The following FOXO3 variants were observed in gnomAD, a reference collection of about 807,000 sequenced individuals.
The protein encoded by FOXO3 is forkhead box protein O3.
Under a neutral mutation model 41.9 loss-of-function variants are expected in FOXO3, and 4 were observed. That is an observed-to-expected ratio of 0.10 (90% CI 0.05 to 0.22). The LOEUF (loss-of-function observed/expected upper bound fraction) is 0.22. FOXO3 is among the 10% of genes least tolerant of loss of function. The probability of loss-of-function intolerance (pLI) is 1.00; values close to 1 mark genes in which losing one functional copy is unlikely to be tolerated. For synonymous variants in FOXO3, 318 were observed against 389.3 expected (o/e 0.82, Z 2.16); for missense variants, 534 against 906.8 (o/e 0.59, Z 5.28).
intron 1 of FOXO3, among the ~76,000 whole-genome samples, chr6:108,637,924 A>G (rs758790172): frequency 6.6e-6 from 1 of 152,254 alleles, no homozygotes; most frequent in Non-Finnish European, 1.5e-5. Flanking sequence ...TTAAAAATAC[A>G]TATATTCAAT....
In FOXO3 at chr6:108,561,106, G is replaced by A; in HGVS notation, c.-103G>A. 1.4e-6 allele frequency: 2 copies of A among 1,426,400 alleles called. No individual in the cohort carries two copies. Among genetic ancestry groups the A allele is most frequent in the Middle Eastern group, 2.5e-4 (1 of 3,958 alleles). 88.4% of individuals were successfully genotyped at this position (1,426,400 alleles called of 1,614,324 possible). ...CCCAGGCGGCGGCGGCGGCGCCCGG[G>A]AGCCGGAGCCTTCGCGGCGTCCACG... On this transcript the variant is annotated 5_prime_UTR_variant, in exon 1 of 3. Transcript: ENST00000406360.
At chr6:108,676,394 G>A (rs1770589842) in intron 2 of FOXO3, among the ~76,000 whole-genome samples, 1 of 152,050 alleles carries the variant, frequency 6.6e-6, no homozygotes, top group South Asian at 2.1e-4. Flanking sequence ...TTTTGAGACC[G>A]GGTTATGAGA....
chr6:108,673,984 A>C (rs61192764), intron 2 of FOXO3, among the ~76,000 whole-genome samples: 11 of 152,126 alleles, frequency 7.2e-5, no homozygotes, highest in Non-Finnish European at 1.6e-4. Flanking sequence ...AAGGATATCT[A>C]TGGTGGGATG....
At chr6:108,639,285 CT>C (rs1778194430) in intron 1 of FOXO3, among the ~76,000 whole-genome samples, 1 of 152,178 alleles carries the variant, frequency 6.6e-6, no homozygotes, top group African/African-American at 2.4e-5. Context: ...TCCTGGACCT[CT>C]TTGGGCACTG....
chr6:108,562,618 G>T (rs973159154), intron 1 of FOXO3, among the ~76,000 whole-genome samples: 2 of 152,126 alleles, frequency 1.3e-5, no homozygotes, highest in African/African-American at 2.4e-5. Flanking sequence ...TGTGGGGGAC[G>T]CGGGGCCTGC....
chr6:108,595,599 G>T (rs994673632), intron 1 of FOXO3, among the ~76,000 whole-genome samples: 1 of 152,046 alleles, frequency 6.6e-6, no homozygotes, highest in Non-Finnish European at 1.5e-5. Context: ...TGGAAGGAAG[G>T]CGATTTGTTA....
chr6:108,593,841 C>T (rs1227654113), intron 1 of FOXO3, among the ~76,000 whole-genome samples: 5 of 150,132 alleles, frequency 3.3e-5, no homozygotes, highest in African/African-American at 1.2e-4. Context: ...CTCAGCCTCC[C>T]GAGTAGCTGG....
At chr6:108,573,357 G>T (rs1458622656) in intron 1 of FOXO3, among the ~76,000 whole-genome samples, 1 of 152,122 alleles carries the variant, frequency 6.6e-6, no homozygotes, top group East Asian at 1.9e-4. Context: ...ACTCTATGCT[G>T]CATTCTTTAC....
chr6:108,588,162 A>T (rs1776637310), intron 1 of FOXO3, among the ~76,000 whole-genome samples: 1 of 152,214 alleles, frequency 6.6e-6, no homozygotes, highest in Admixed American at 6.5e-5. Flanking sequence ...GTGTTTTATC[A>T]TCTTTAAGTT....
intron 1 of FOXO3, among the ~76,000 whole-genome samples, chr6:108,629,261 C>T (rs565555217): frequency 6.6e-6 from 1 of 152,194 alleles, no homozygotes; most frequent in Non-Finnish European, 1.5e-5. Context: ...AAATTGCCCT[C>T]TACATTATAG....
At chr6:108,614,196 T>C (rs1777433786) in intron 1 of FOXO3, among the ~76,000 whole-genome samples, 2 of 152,250 alleles carry the variant, frequency 1.3e-5, no homozygotes, top group Non-Finnish European at 2.9e-5. Context: ...GGGTGATTTG[T>C]TCTATAAATG....
chr6:108,599,104 C>A (rs561092526), intron 1 of FOXO3, among the ~76,000 whole-genome samples: 21 of 152,196 alleles, frequency 1.4e-4, no homozygotes, highest in Middle Eastern at 6.8e-3. Flanking sequence ...TTTGTGAGAG[C>A]AAGCTGTTTT....
chr6:108,596,381 T>TG (rs1776883195), intron 1 of FOXO3, among the ~76,000 whole-genome samples: 1 of 40,996 alleles, frequency 2.4e-5, no homozygotes, highest in African/African-American at 1.2e-4. Context: ...ATGGCCTAAA[T>TG]GAAAAAAAAA....
intron 1 of FOXO3, among the ~76,000 whole-genome samples, chr6:108,625,500 A>G (rs1320237407): frequency 6.6e-6 from 1 of 152,256 alleles, no homozygotes; most frequent in Non-Finnish European, 1.5e-5. Context: ...TTTTCACTGT[A>G]TTAATCATTT....
chr6:108,637,541 G>A (rs909179538), intron 1 of FOXO3, among the ~76,000 whole-genome samples: 7 of 152,180 alleles, frequency 4.6e-5, no homozygotes, highest in African/African-American at 1.7e-4. Context: ...TTAAGCCTAT[G>A]CAGGTTTATT....
At chr6:108,611,858 A>G (rs989429564) in intron 1 of FOXO3, among the ~76,000 whole-genome samples, 8 of 152,084 alleles carry the variant, frequency 5.3e-5, no homozygotes, top group African/African-American at 1.9e-4. Flanking sequence ...CTAAAGAGCT[A>G]AGTTTTAGCT....
At chr6:108,678,667 G>A (rs993888148) in intron 2 of FOXO3, among the ~76,000 whole-genome samples, 1 of 151,708 alleles carries the variant, frequency 6.6e-6, no homozygotes, top group African/African-American at 2.4e-5. Flanking sequence ...TTAATGGGGT[G>A]TTTTATGGGG....
intron 1 of FOXO3, among the ~76,000 whole-genome samples, chr6:108,628,788 C>T (rs1490110029): frequency 2.0e-5 from 3 of 151,906 alleles, no homozygotes; most frequent in African/African-American, 7.3e-5. Flanking sequence ...ACATCCTTTC[C>T]CATTAGGCAC....
chr6:108,600,822 G>T (rs1050906328), intron 1 of FOXO3, among the ~76,000 whole-genome samples: 1 of 152,110 alleles, frequency 6.6e-6, no homozygotes, highest in Non-Finnish European at 1.5e-5. Flanking sequence ...AATCATCAAT[G>T]ACTTCAAACA....
Sources: gnomAD v4.1 joint callset for allele counts (sites outside exome capture counted in the v4.1 genomes callset) on GRCh38, gnomAD v4.1.1 for gene constraint, MANE v1.5 for transcripts, NCBI Gene and HGNC (gene_info 2026-07-23, HGNC 2026-07-21) for gene names.